Variants in SLC39A11 observed in about 807,000 individuals in gnomAD.
The protein encoded by SLC39A11 is zinc transporter ZIP11.
Under a neutral mutation model 36.1 loss-of-function variants are expected in SLC39A11, and 33 were observed. The ratio of observed to expected loss-of-function variants is 0.91; its 90% CI spans 0.69 to 1.22. The LOEUF (loss-of-function observed/expected upper bound fraction) is 1.22. Ranked by LOEUF, SLC39A11 falls within the 50% of genes most tolerant of loss-of-function variation. The pLI, the probability that SLC39A11 is intolerant of heterozygous loss-of-function variation, is 0.00. For missense variants in SLC39A11, 432 were observed against 430.3 expected, an observed-to-expected ratio of 1.00 and a Z score of -0.03; for synonymous variants, 166 against 170.3, an observed-to-expected ratio of 0.97 and a Z score of 0.20.
At chr17:73,064,411 C>G (rs780953868) in intron 3 of SLC39A11, among the ~76,000 whole-genome samples, 2 of 152,116 alleles carry the variant, frequency 1.3e-5, no homozygotes, top group Non-Finnish European at 2.9e-5. Context: ...CTGAATTTAT[C>G]CTCCCACCAT....
intron 6 of SLC39A11, among the ~76,000 whole-genome samples, chr17:72,835,743 A>G (rs1273804738): frequency 6.6e-6 from 1 of 152,200 alleles, no homozygotes; most frequent in Non-Finnish European, 1.5e-5. Context: ...TGAATAGCAG[A>G]TAACACAGTG....
In SLC39A11 at chr17:72,906,355, C is replaced by T. The variant is rs111762046; in HGVS notation, c.430+41397G>A. On this transcript the variant is annotated intron_variant, in intron 5 of 9. Transcript: ENST00000255559. ...GTCTAAAATAGTCAGGATTGAGAGA[C>T]GTGGGCACCACGGGTGAGAAGGACA... Among the ~76,000 whole-genome samples, 1,153 of 152,356 alleles carry T rather than the reference C, an allele frequency of 7.6e-3. 9 individuals are homozygous for T. The highest frequency in any genetic ancestry group is 0.026 in the African/African-American group (1,087 of 41,572).
chr17:72,876,059 C>T (rs1172029676), intron 5 of SLC39A11, among the ~76,000 whole-genome samples: 1 of 152,146 alleles, frequency 6.6e-6, no homozygotes. Context: ...CAAAACTGCC[C>T]TGAGCTGCTA....
At chr17:73,091,003 C>T (rs572886373) in intron 1 of SLC39A11, among the ~76,000 whole-genome samples, 16 of 152,272 alleles carry the variant, frequency 1.1e-4, no homozygotes, top group Non-Finnish European at 7.3e-5. Context: ...AGCACTGGTC[C>T]GGCTTGGGAG....
At chr17:72,827,609 C>T (rs2078084015) in intron 6 of SLC39A11, among the ~76,000 whole-genome samples, 2 of 152,200 alleles carry the variant, frequency 1.3e-5, no homozygotes, top group African/African-American at 4.8e-5. Flanking sequence ...ACCAGGAAGG[C>T]TTTGGGAAGG....
intron 3 of SLC39A11, among the ~76,000 whole-genome samples, chr17:73,048,142 G>A (rs866982761): frequency 6.6e-6 from 1 of 151,440 alleles, no homozygotes; most frequent in Admixed American, 6.6e-5. Flanking sequence ...CACCCAGGTA[G>A]TGACCACAGC....
chr17:73,005,723 C>T (rs546318494), intron 4 of SLC39A11, among the ~76,000 whole-genome samples: 10 of 152,258 alleles, frequency 6.6e-5, no homozygotes, highest in Admixed American at 3.9e-4. Flanking sequence ...CCAAGGCAAG[C>T]GGATCACGAA....
At chr17:73,091,764 G>A (rs1180378165) in intron 1 of SLC39A11, 1 of 152,236 alleles carries the variant, frequency 6.6e-6, no homozygotes, top group Non-Finnish European at 1.5e-5. Flanking sequence ...GCAGCAGGGA[G>A]AATCATTCTC....
Position 73,020,691 on chromosome 17 carries a change from T to TTTTTC in SLC39A11, c.306+10864_306+10865insGAAAA, listed in dbSNP as rs1555680972. 6.5e-3 allele frequency among the ~76,000 whole-genome samples: 891 copies of TTTTTC among 136,186 alleles called. 35 individuals are homozygous for TTTTTC. Among genetic ancestry groups the TTTTTC allele is most frequent in the East Asian group, 0.031 (146 of 4,722 alleles). The allele number at this position is 136,186 out of a possible 152,430, so 89.3% of individuals were successfully genotyped here. A position where few individuals can be genotyped will look rare whatever the true frequency, so the allele number is the denominator to read the frequency against. On this transcript the variant is annotated intron_variant, in intron 4 of 9. Transcript: ENST00000255559. ...CTTTTTGTTTCTTTCTTTTTTTTTT[T>TTTTTC]TTTTTTTTTTGAGACGGAGTCTCAC...
intron 7 of SLC39A11, among the ~76,000 whole-genome samples, chr17:72,709,174 G>A (rs890134568): frequency 2.6e-5 from 4 of 152,256 alleles, no homozygotes; most frequent in South Asian, 4.1e-4. Flanking sequence ...TTCTGACCTC[G>A]TGATCCATCT....
intron 6 of SLC39A11, among the ~76,000 whole-genome samples, chr17:72,841,761 T>C (rs1054909263): frequency 1.3e-5 from 2 of 152,058 alleles, no homozygotes; most frequent in Non-Finnish European, 2.9e-5. Flanking sequence ...TACATACCTG[T>C]ATCAAAATAT....
intron 4 of SLC39A11, among the ~76,000 whole-genome samples, chr17:73,002,515 T>C (rs1430722360): frequency 1.3e-5 from 2 of 152,210 alleles, no homozygotes; most frequent in Non-Finnish European, 2.9e-5. Context: ...CAAAAGGTAT[T>C]AGCCATGAGC....
rs148698949 is a variant in SLC39A11, at chr17:73,010,680, G to A, written c.306+20876C>T. ...TAGTAAATGGCAGTATGAGTCTCTA[G>A]CTTCTTAGGCAAACATAATTATGAA... On this transcript the variant is annotated intron_variant, in intron 4 of 9. Transcript: ENST00000255559. Among the ~76,000 whole-genome samples the A allele has an allele frequency of 1.5e-3, 234 of 152,290 alleles. 3 individuals carry two copies. Among genetic ancestry groups the A allele is most frequent in the South Asian group, 4.6e-3 (22 of 4,828 alleles).
intron 4 of SLC39A11, among the ~76,000 whole-genome samples, chr17:72,973,988 G>T (rs961675622): frequency 6.6e-6 from 1 of 152,172 alleles, no homozygotes; most frequent in Non-Finnish European, 1.5e-5. Context: ...AACAGTGGGT[G>T]ACATATAAGA....
chr17:72,734,234 C>G (rs1443847192), intron 7 of SLC39A11, among the ~76,000 whole-genome samples: 2 of 152,162 alleles, frequency 1.3e-5, no homozygotes, highest in Non-Finnish European at 2.9e-5. Flanking sequence ...AGATGCCAGA[C>G]ATTTAGAGAG....
At chr17:72,717,361 C>T (rs1686211699) in intron 7 of SLC39A11, among the ~76,000 whole-genome samples, 1 of 152,036 alleles carries the variant, frequency 6.6e-6, no homozygotes, top group African/African-American at 2.4e-5. Flanking sequence ...GATTTGTTCT[C>T]ACAGCCCTGG....
intron 4 of SLC39A11, among the ~76,000 whole-genome samples, chr17:72,989,793 G>C (rs567150319): frequency 6.6e-6 from 1 of 152,292 alleles, no homozygotes; most frequent in East Asian, 1.9e-4. Context: ...ACCAGTATTT[G>C]AGCCCTGGTA....
At chr17:72,985,407 C>CTTTTTTTTTTTTTTT (rs386386576) in intron 4 of SLC39A11, among the ~76,000 whole-genome samples, 2 of 78,928 alleles carry the variant, frequency 2.5e-5, no homozygotes, top group Non-Finnish European at 4.7e-5. Context: ...TGGGGCCTGC[C>CTTTTTTTTTTTTTTT]TTTTTTTTTT....
chr17:72,934,890 G>A (rs1314408962), intron 5 of SLC39A11, among the ~76,000 whole-genome samples: 6 of 152,186 alleles, frequency 3.9e-5, no homozygotes, highest in Admixed American at 3.9e-4. Flanking sequence ...AAAAAGTGAT[G>A]AGGCCAAGGG....
Sources: allele counts gnomAD v4.1 joint callset (sites outside exome capture counted in the v4.1 genomes callset), GRCh38; gene constraint gnomAD v4.1.1; transcripts MANE v1.5; gene names NCBI Gene and HGNC (gene_info 2026-07-23, HGNC 2026-07-21).